USP18: variants seen among roughly 807,000 people sequenced by gnomAD.
The protein encoded by USP18 is ubl carboxyl-terminal hydrolase 18.
In USP18, 11 loss-of-function variants were observed where a neutral mutation model predicts 48.7. That is an observed-to-expected ratio of 0.23 (90% confidence interval 0.14 to 0.37). USP18 has a LOEUF of 0.37. Ranked by LOEUF, USP18 falls within the 10% of genes least tolerant of loss-of-function variation. The pLI is 1.00. For missense variants in USP18, 285 were observed against 436.4 expected (o/e 0.65, Z 3.09); for synonymous variants, 114 against 163.2 (o/e 0.70, Z 2.30).
At chr22:18,151,947 G>T (rs572334740) in intron 1 of USP18, among the ~76,000 whole-genome samples, 2 of 152,124 alleles carry the variant, frequency 1.3e-5, no homozygotes, top group African/African-American at 4.8e-5. Context: ...CCAACTACTC[G>T]GGAGGCTGAG....
chr22:18,175,754 C>G (rs549252564), intron 10 of USP18, among the ~76,000 whole-genome samples: 309 of 147,766 alleles, frequency 2.1e-3, no homozygotes, highest in Admixed American at 7.3e-3. Context: ...GCAGGAGGAT[C>G]ACTTCAAGCC....
rs780993014 is a variant in USP18, at chr22:18,173,271, A to T, written c.1013A>T (p.Asn338Ile). Residue 338 changes from asparagine (N) to isoleucine (I), a missense_variant, in exon 9 of 11, where the codon AAT (asparagine) becomes ATT (isoleucine). By Grantham distance (149) the Asn-to-Ile change is moderately radical (BLOSUM62 -3). Transcript: ENST00000215794. Reference sequence around the variant, plus strand: ...AAATGGTTCTGCTTCAATGACTCCAATATTTGCTTGGTAAGAAACATCATC... The same window carrying T: ...AAATGGTTCTGCTTCAATGACTCCATTATTTGCTTGGTAAGAAACATCATC... ...DGKWFCFNDS[N>I]ICLVSWEDIQ... The T allele has an allele frequency of 1.3e-6, 2 of 1,570,944 alleles. No individual in the cohort carries two copies. The highest frequency in any genetic ancestry group is 2.7e-5 in the African/African-American group (2 of 73,404).
rs575738962 is a variant in USP18, at chr22:18,157,744, A to T, written c.81A>T (p.Glu27Asp). The change falls in exon 2 of 11, where the codon GAA (glutamate) becomes GAT (aspartate). Residue 27 changes from glutamate to aspartate, a missense_variant. Around this residue, in one of 5 missense-constraint regions of USP18, gnomAD observed 199 missense variants for 239.6 expected, o/e 0.83. Transcript: ENST00000215794. Reference protein sequence around the residue: ...AESSQSPADLEEKKEEDSNMK... With the variant: ...AESSQSPADLDEKKEEDSNMK... Reference sequence around the variant, plus strand: ...CCTCGCAGTCCCCGGCAGATCTTGAAGAAAAGAAGGAAGAAGACAGCAACA... The same window carrying T: ...CCTCGCAGTCCCCGGCAGATCTTGATGAAAAGAAGGAAGAAGACAGCAACA... 11 of 1,614,136 alleles carry T rather than the reference A, an allele frequency of 6.8e-6. No homozygotes were observed. The East Asian group carries it at 2.2e-4, about 33-fold the overall frequency.
chr22:18,156,277 T>C (rs1929134469), intron 1 of USP18, among the ~76,000 whole-genome samples: 2 of 152,202 alleles, frequency 1.3e-5, no homozygotes, highest in South Asian at 4.2e-4. Context: ...CAATTGGCTG[T>C]CTATAAAATG....
At chr22:18,153,842 T>G (rs1929061594) in intron 1 of USP18, among the ~76,000 whole-genome samples, 1 of 152,106 alleles carries the variant, frequency 6.6e-6, no homozygotes, top group African/African-American at 2.4e-5. Flanking sequence ...GTTATTCCAC[T>G]TAACGTAATG....
intron 1 of USP18, among the ~76,000 whole-genome samples, chr22:18,155,382 C>A (rs941894441): frequency 6.6e-6 from 1 of 152,242 alleles, no homozygotes; most frequent in African/African-American, 2.4e-5. Flanking sequence ...ACAGCCCTCG[C>A]TCGCTCTCGG....
intron 9 of USP18, 38 bp downstream of exon 9, chr22:18,173,319 T>A (rs1199638027): frequency 6.3e-7 from 1 of 1,576,176 alleles, no homozygotes; most frequent in African/African-American, 1.3e-5. Flanking sequence ...CTGCCCTGGA[T>A]TGGCCACCTC....
Position 18,173,197 on chromosome 22 carries a change from G to A in USP18, c.939G>A (p.Met313Ile), listed in dbSNP as rs758997040. 38 of 1,610,970 alleles carry A rather than the reference G, an allele frequency of 2.4e-5. 1 individual carries two copies. The South Asian group carries it at 4.1e-4, about 17-fold the overall frequency. Residue 313 changes from methionine (M) to isoleucine (I), a missense_variant, in exon 9 of 11, where the codon ATG (methionine) becomes ATA (isoleucine). Met to Ile is a conservative substitution (Grantham distance 10). Coordinates refer to ENST00000215794, the MANE Select transcript of USP18 (RefSeq NM_017414.4). ...ELFAVIAHVGMADSGHYCVYI... is the reference protein window; with the variant it reads ...ELFAVIAHVGIADSGHYCVYI... Reference sequence around the variant, plus strand: ...TTGCTGTGATTGCGCACGTGGGAATGGCAGACTCCGGTCATTACTGTGTCT... The same window carrying A: ...TTGCTGTGATTGCGCACGTGGGAATAGCAGACTCCGGTCATTACTGTGTCT...
In USP18 at chr22:18,167,882, T is replaced by A. The variant is rs1334223762; in HGVS notation, c.481-8T>A. ...TCCCATCTCACCTCTCCGCTCTCCC[T>A]CTTGCAGGTGGAGAGACTGCAGGCC... On this transcript the variant is annotated splice_polypyrimidine_tract_variant and splice_region_variant and intron_variant, in intron 5 of 10. Transcript: ENST00000215794. 2 of 1,612,104 alleles carry A rather than the reference T, an allele frequency of 1.2e-6. No individual in the cohort carries two copies. Among genetic ancestry groups the A allele is most frequent in the African/African-American group, 2.7e-5 (2 of 74,810 alleles).
At chr22:18,174,907 T>TTTTG (rs1006696764) in intron 10 of USP18, among the ~76,000 whole-genome samples, 8 of 151,998 alleles carry the variant, frequency 5.3e-5, no homozygotes, top group East Asian at 1.9e-4. Flanking sequence ...CACACTGTTT[T>TTTTG]TTTGTTTGTT....
intron 1 of USP18, among the ~76,000 whole-genome samples, chr22:18,151,931 G>C (rs1411371663): frequency 1.3e-5 from 2 of 152,180 alleles, no homozygotes; most frequent in Non-Finnish European, 2.9e-5. Context: ...GCAGGCGCCT[G>C]TAGTCCCAAC....
At chr22:18,169,413 A>G (rs1462428352) in intron 6 of USP18, among the ~76,000 whole-genome samples, 29 of 152,318 alleles carry the variant, frequency 1.9e-4, no homozygotes, top group Non-Finnish European at 3.7e-4. Flanking sequence ...TGTCTCTACT[A>G]AAAACATAAA....
At chr22:18,153,341 A>G (rs1230620352) in intron 1 of USP18, among the ~76,000 whole-genome samples, 1 of 150,368 alleles carries the variant, frequency 6.7e-6, no homozygotes, top group Non-Finnish European at 1.5e-5. Flanking sequence ...AGGCAGGGGA[A>G]GTGCTTGAAC....
intron 8 of USP18, among the ~76,000 whole-genome samples, chr22:18,172,684 G>T (rs1392382248): frequency 6.6e-6 from 1 of 151,412 alleles, no homozygotes; most frequent in Non-Finnish European, 1.5e-5. Flanking sequence ...TCTGCACAAA[G>T]TCTGCAAATG....
chr22:18,175,899 C>T (rs1415986484), intron 10 of USP18, among the ~76,000 whole-genome samples: 2 of 149,574 alleles, frequency 1.3e-5, no homozygotes, highest in Non-Finnish European at 2.9e-5. Context: ...GCAGGAGGGT[C>T]AGTTGAGCCC....
intron 1 of USP18, among the ~76,000 whole-genome samples, chr22:18,156,295 C>T (rs1310840613): frequency 1.3e-5 from 2 of 152,190 alleles, no homozygotes; most frequent in Non-Finnish European, 2.9e-5. Context: ...ATGGACCAAT[C>T]AGCAGGATGT....
rs368131506 is a variant in USP18, at chr22:18,168,081, C to T, written c.627+45C>T. 2,619 of 1,605,282 alleles carry T rather than the reference C, an allele frequency of 1.6e-3. 60 individuals carry two copies. The South Asian group carries it at 0.027, about 16-fold the overall frequency. ...ATTTGCTGCCCCTGTATGTGTTAGT[C>T]CATTTTCTGTTGTTATAACTCAATA... On this transcript the variant is annotated intron_variant, in intron 6 of 10. Coordinates refer to ENST00000215794, the MANE Select transcript of USP18 (RefSeq NM_017414.4).
intron 2 of USP18, among the ~76,000 whole-genome samples, chr22:18,158,768 G>GCCT (rs1374407362): frequency 6.6e-6 from 1 of 152,138 alleles, no homozygotes; most frequent in Admixed American, 6.5e-5. Flanking sequence ...TTTATTTCCT[G>GCCT]CCTCCCTGTA....
At chr22:18,175,005 G>A (rs1279700832) in intron 10 of USP18, among the ~76,000 whole-genome samples, 2 of 151,962 alleles carry the variant, frequency 1.3e-5, no homozygotes, top group Non-Finnish European at 2.9e-5. Context: ...GCTCTGCCTC[G>A]TGGGTTCATG....
Sources: gnomAD v4.1 joint callset for allele counts (sites outside exome capture counted in the v4.1 genomes callset) on GRCh38, gnomAD v4.1.1 for gene constraint, gnomAD v4.1.1 regional missense constraint, MANE v1.5 for transcripts, NCBI Gene and HGNC (gene_info 2026-07-23, HGNC 2026-07-21) for gene names.